The following JAK3 variants were observed in gnomAD, a reference collection of about 807,000 sequenced individuals.
The protein encoded by JAK3 is tyrosine-protein kinase JAK3.
A neutral mutation model predicts 120.8 loss-of-function variants in JAK3; 88 were observed. The observed-to-expected ratio is 0.73, with a 90% CI of 0.61 to 0.87. JAK3 has a LOEUF of 0.87. Among genes scored for constraint, JAK3 ranks in the 40% least tolerant of loss-of-function variants. The pLI is 0.00. For missense variants in JAK3, 1,254 were observed against 1,501.4 expected (o/e 0.84, Z 2.72); for synonymous variants, 592 against 628.6 (o/e 0.94, Z 0.87).
At chr19:17,845,022 T>G in intron 1 of JAK3, among the ~76,000 whole-genome samples, 1 of 151,990 alleles carries the variant, frequency 6.6e-6, no homozygotes, top group Non-Finnish European at 1.5e-5. Context: ...GTCACTCAAA[T>G]TGACCTGAAT....
rs2094202157 is a variant in JAK3 at position 17,825,376 on chromosome 19, T to C, written c.*1367A>G. The C allele has an allele frequency of 4.5e-6, 1 of 224,024 alleles. No homozygotes were observed. The highest frequency in any genetic ancestry group is 8.9e-6 in the Non-Finnish European group (1 of 112,444). 13.9% of individuals were successfully genotyped at this position (224,024 alleles called of 1,614,324 possible). The stretch of plus-strand genomic sequence containing the variant: ...TGGTGTCATCCCTTTGTGCCCCTTG[T>C]AGGGTGAGGACAGAAAGGGTCCCAT... On this transcript the variant is annotated 3_prime_UTR_variant, in exon 24 of 24. Transcript: ENST00000458235.
At chr19:17,836,249 T>C (rs1297977612) in intron 13 of JAK3, among the ~76,000 whole-genome samples, 198 bp from the exon 14 acceptor site, 1 of 152,094 alleles carries the variant, frequency 6.6e-6, no homozygotes, top group Non-Finnish European at 1.5e-5. Flanking sequence ...GCCTGGAAGG[T>C]GTTGAGCCCT....
At chr19:17,827,228 C>CTTG (rs1203836627) in intron 23 of JAK3, among the ~76,000 whole-genome samples, 2 of 152,086 alleles carry the variant, frequency 1.3e-5, no homozygotes, top group African/African-American at 4.8e-5. Context: ...ATCCACCTGT[C>CTTG]TTGGCCTCCC....
rs1196746592 is a variant in JAK3, at chr19:17,841,006, T to TG, written c.1142+382dup. ...ATTTTTTTTTCTTTTTTTGTAGAGA[T>TG]GGGGTCTCTCCTGTTGCCTAGACTT... On this transcript the variant is annotated intron_variant, in intron 8 of 23. Transcript: ENST00000458235. This position sits in a 1 kb window ranked among gnomAD's most constrained non-coding sequence, Gnocchi z 4.1. 6.6e-6 allele frequency among the ~76,000 whole-genome samples: 1 copy of TG among 151,636 alleles called. No homozygotes were observed. Among genetic ancestry groups the TG allele is most frequent in the Non-Finnish European group, 1.5e-5 (1 of 67,904 alleles).
rs779267284 is a variant in JAK3 at position 17,837,111 on chromosome 19, T to A, written c.1786+18A>T. The A allele has an allele frequency of 3.9e-6, 2 of 511,902 alleles. No individual in the cohort carries two copies. Among genetic ancestry groups the A allele is most frequent in the Non-Finnish European group, 2.2e-6 (1 of 452,688 alleles). The allele number at this position is 511,902 out of a possible 1,614,324, so 31.7% of individuals were successfully genotyped here. On this transcript the variant is annotated intron_variant, in intron 13 of 23. Transcript: ENST00000458235. ...TTGGGTGAGGCAGGGGTGGGGTGGG[T>A]GGGTGGGGGGCTCTCACTGTCTCCA...
Position 17,832,884 on chromosome 19 carries a change from C to T in JAK3, c.2396G>A (p.Arg799His), listed in dbSNP as rs922048523. The change falls in exon 18 of 24, where the codon CGT becomes CAT. Residue 799 changes from arginine to histidine, a missense_variant. Coordinates refer to ENST00000458235, the MANE Select transcript of JAK3 (RefSeq NM_000215.4). This position sits in a 1 kb window ranked among gnomAD's most constrained non-coding sequence, Gnocchi z 4.7. ...SDPTPGALAP[R>H]DGLWNGAQLY... ...CTGGGCACCATTCCACAGCCCATCACGAGGTGCCAGGGCACCAGGTGTGGG... is the reference window on the plus strand; with the variant it reads ...CTGGGCACCATTCCACAGCCCATCATGAGGTGCCAGGGCACCAGGTGTGGG... The T allele has an allele frequency of 3.7e-6, 6 of 1,614,108 alleles. No individual in the cohort carries two copies. Among genetic ancestry groups the T allele is most frequent in the African/African-American group, 2.7e-5 (2 of 74,952 alleles).
rs199611932 is a variant in JAK3, at chr19:17,826,842, G to T, written c.3276C>A (p.Gly1092=). The T allele has an allele frequency of 1.4e-5, 22 of 1,614,030 alleles. 1 individual carries two copies. In the South Asian group the frequency reaches 2.4e-4, roughly 18 times the overall value. ...CGCTCCACAGCATGTCCAGCTGGGG[G>T]CCCAGGGCGCTGAATGATGGCCGGT... ...PQDRPSFSAL[G]PQLDMLWSGS... Residue 1092 remains glycine (G), a synonymous_variant, in exon 24 of 24, where the codon GGC becomes GGA. Transcript: ENST00000458235.
chr19:17,841,589 C>T lies in JAK3; in HGVS notation c.985-43G>A, dbSNP rs772519907. 6.2e-7 allele frequency: 1 copy of T among 1,610,024 alleles called. No homozygotes were observed. The highest frequency in any genetic ancestry group is 1.1e-5 in the South Asian group (1 of 90,658). On this transcript the variant is annotated intron_variant, in intron 7 of 23. Transcript: ENST00000458235. This position sits in a 1 kb window ranked among gnomAD's most constrained non-coding sequence, Gnocchi z 4.1. ...CAGAGCCCAGTGAAACCCGAGGGTGCCGGTCCCGCCCTCGGGGTAAGGCTG... is the reference window on the plus strand; with the variant it reads ...CAGAGCCCAGTGAAACCCGAGGGTGTCGGTCCCGCCCTCGGGGTAAGGCTG...
In JAK3 at chr19:17,842,205, C is replaced by T; in HGVS notation, c.861+111G>A. Reference sequence around the variant, plus strand: ...CCCGCCCCTCATTAAGCCTCGCCCACTTCCCCAAGTCTTTCGTTTTGGCTC... The same window carrying T: ...CCCGCCCCTCATTAAGCCTCGCCCATTTCCCCAAGTCTTTCGTTTTGGCTC... On this transcript the variant is annotated intron_variant, in intron 6 of 23. Coordinates refer to ENST00000458235, the MANE Select transcript of JAK3 (RefSeq NM_000215.4). This position sits in a 1 kb window ranked among gnomAD's most constrained non-coding sequence, Gnocchi z 6.4. 1 of 1,221,854 alleles carries T rather than the reference C, an allele frequency of 8.2e-7. No homozygotes were observed. The highest frequency in any genetic ancestry group is 1.6e-5 in the South Asian group (1 of 63,282). The allele number at this position is 1,221,854 out of a possible 1,614,324, so 75.7% of individuals were successfully genotyped here.
chr19:17,844,123 C>A, intron 2 of JAK3, 111 bp downstream of exon 2: 2 of 1,311,024 alleles, frequency 1.5e-6, no homozygotes, highest in Non-Finnish European at 1.1e-6. Context: ...ACTCATCCCC[C>A]AAAGCCCCAG....
chr19:17,829,779 A>C (rs1197924082), intron 23 of JAK3: 2 of 459,696 alleles, frequency 4.4e-6, no homozygotes, highest in Non-Finnish European at 7.7e-6. Context: ...AAGAAAAAAA[A>C]AAACCATGAA....
intron 1 of JAK3, among the ~76,000 whole-genome samples, chr19:17,846,026 G>A (rs1356914546): frequency 3.3e-5 from 5 of 151,896 alleles, no homozygotes; most frequent in Non-Finnish European, 5.9e-5. Flanking sequence ...CCATGTTGGC[G>A]AGGCTGGTCT....
In JAK3 at chr19:17,842,281, C is replaced by A. The variant is rs1401543154; in HGVS notation, c.861+35G>T. On this transcript the variant is annotated intron_variant, in intron 6 of 23. Coordinates refer to ENST00000458235, the MANE Select transcript of JAK3 (RefSeq NM_000215.4). The surrounding 1 kb of genome is among the most constrained non-coding windows in gnomAD (Gnocchi z 6.4). ...GGCCCCTCCCCGAGCCCCGCCCCCACGTTGGCCCCGCCCAGCGGGGGAGTC... is the reference window on the plus strand; with the variant it reads ...GGCCCCTCCCCGAGCCCCGCCCCCAAGTTGGCCCCGCCCAGCGGGGGAGTC... 1 of 1,502,592 alleles carries A rather than the reference C, an allele frequency of 6.7e-7. No homozygotes were observed. Among genetic ancestry groups the A allele is most frequent in the African/African-American group, 1.4e-5 (1 of 72,122 alleles). The allele number at this position is 1,502,592 out of a possible 1,614,324, so 93.1% of individuals were successfully genotyped here.
chr19:17,830,651 G>A (rs1477604543), intron 21 of JAK3, 31 bp from the exon 22 acceptor site: 5 of 1,577,610 alleles, frequency 3.2e-6, no homozygotes, highest in Non-Finnish European at 1.7e-6. Flanking sequence ...TGAGATGCGA[G>A]GGTGTAGAAA....
In JAK3 at chr19:17,843,491, G is replaced by A. The variant is rs1310392245; in HGVS notation, c.309C>T (p.Arg103=). 2 of 1,586,052 alleles carry A rather than the reference G, an allele frequency of 1.3e-6. No individual in the cohort carries two copies. Among genetic ancestry groups the A allele is most frequent in the Middle Eastern group, 1.7e-4 (1 of 6,020 alleles). ...GCCCAAACCAATTGGGGAAGTAAAA[G>A]CTGTGAGGAGAGGAGAGAACCCTGG... ...ASTQVLLYRI[R]FYFPNWFGLE... The change falls in exon 4 of 24, where the codon CGC becomes CGT. Residue 103 remains arginine, a splice_region_variant and synonymous_variant. Coordinates refer to ENST00000458235, the MANE Select transcript of JAK3 (RefSeq NM_000215.4). The surrounding 1 kb of genome is among the most constrained non-coding windows in gnomAD (Gnocchi z 5.4).
chr19:17,827,218 A>G (rs974395675), intron 23 of JAK3, among the ~76,000 whole-genome samples: 6 of 151,994 alleles, frequency 3.9e-5, no homozygotes, highest in South Asian at 2.1e-4. Flanking sequence ...ATCTCAGGTG[A>G]TCCACCTGTC....
At chr19:17,839,356 T>G in intron 10 of JAK3, 121 bp downstream of exon 10, 1 of 928,342 alleles carries the variant, frequency 1.1e-6, no homozygotes, top group Non-Finnish European at 1.7e-6. Context: ...AATCACCTTT[T>G]CTTCCCTAAC....
At position 17,832,573 on chromosome 19, in the gene JAK3, T is replaced by C. The variant is rs1443453130; in HGVS notation, c.2626A>G (p.Lys876Glu). 6.8e-6 allele frequency: 11 copies of C among 1,614,246 alleles called. No individual in the cohort carries two copies. Among genetic ancestry groups the C allele is most frequent in the Non-Finnish European group, 9.3e-6 (11 of 1,180,050 alleles). The change falls in exon 19 of 24, where the codon AAA (lysine) becomes GAA (glutamate). Residue 876 changes from lysine to glutamate, a missense_variant. Lys to Glu is a moderately conservative substitution (Grantham distance 56). Around this residue, in one of 3 missense-constraint regions of JAK3, gnomAD observed 630 missense variants for 819.8 expected, o/e 0.77. Transcript: ENST00000458235. This position sits in a 1 kb window ranked among gnomAD's most constrained non-coding sequence, Gnocchi z 4.7. ...RDFQREIQILKALHSDFIVKY... is the reference protein window; with the variant it reads ...RDFQREIQILEALHSDFIVKY... ...ACAATGAAATCACTGTGCAGTGCTT[T>C]GAGGATCTGAATCTCCCGCTGAAAG...
chr19:17,842,821 A>T lies in JAK3; in HGVS notation c.566+206T>A. 1.2e-6 allele frequency: 1 copy of T among 859,160 alleles called. No homozygotes were observed. The highest frequency in any genetic ancestry group is 1.8e-6 in the Non-Finnish European group (1 of 551,648). The allele number at this position is 859,160 out of a possible 1,614,324, so 53.2% of individuals were successfully genotyped here. On this transcript the variant is annotated intron_variant, in intron 5 of 23. Coordinates refer to ENST00000458235, the MANE Select transcript of JAK3 (RefSeq NM_000215.4). This position sits in a 1 kb window ranked among gnomAD's most constrained non-coding sequence, Gnocchi z 6.4. ...CGCCCACAGGTCGGACAGGGACCCCACAGGCCTTTTAGCTGGGGGAGGTCA... is the reference window on the plus strand; with the variant it reads ...CGCCCACAGGTCGGACAGGGACCCCTCAGGCCTTTTAGCTGGGGGAGGTCA...
Sources: gnomAD v4.1 joint callset for allele counts (sites outside exome capture counted in the v4.1 genomes callset) on GRCh38, gnomAD v4.1.1 for gene constraint, gnomAD v4.1.1 regional missense constraint, Gnocchi (gnomAD v3.1) non-coding constraint, MANE v1.5 for transcripts, NCBI Gene and HGNC (gene_info 2026-07-23, HGNC 2026-07-21) for gene names.